Variants in CIPC observed in about 807,000 individuals in gnomAD.
CIPC encodes CLOCK-interacting pacemaker.
CIPC carries 12 observed loss-of-function variants against 26.7 expected under a neutral mutation model. The ratio of observed to expected loss-of-function variants is 0.45; its 90% CI spans 0.29 to 0.73. CIPC has a LOEUF of 0.73. CIPC is among the 30% of genes least tolerant of loss of function. CIPC has a pLI of 0.12. For synonymous variants in CIPC, 170 were observed against 189.8 expected, an observed-to-expected ratio of 0.90 and a Z score of 0.86; for missense variants, 417 against 486.5, an observed-to-expected ratio of 0.86 and a Z score of 1.34.
At chr14:77,109,695 A>T (rs1886657455) in intron 2 of CIPC, 117 bp from the exon 3 acceptor site, 1 of 894,758 alleles carries the variant, frequency 1.1e-6, no homozygotes, top group Non-Finnish European at 1.7e-6. Context: ...AATAAAATTC[A>T]CAAAAACACA....
chr14:77,113,863 A>G lies in CIPC; in HGVS notation c.745A>G (p.Ser249Gly), dbSNP rs778843101. ...SPQTLQPVSS[S>G]HVAKAPSLTF... ...ACAGACTCTTCAGCCGGTATCCAGC[A>G]GTCACGTGGCTAAAGCTCCCAGTCT... Residue 249 changes from serine to glycine, a missense_variant, in exon 4 of 4, where the codon AGT (serine) becomes GGT (glycine). By Grantham distance (56) the Ser-to-Gly change is moderately conservative. Coordinates refer to ENST00000361786, the MANE Select transcript of CIPC (RefSeq NM_033426.3). 2 of 1,614,122 alleles carry G rather than the reference A, an allele frequency of 1.2e-6. No individual in the cohort carries two copies. Among genetic ancestry groups the G allele is most frequent in the Non-Finnish European group, 8.5e-7 (1 of 1,180,018 alleles).
chr14:77,100,240 C>CTTTTTTTTTTT (rs57785837), intron 1 of CIPC, among the ~76,000 whole-genome samples: 1 of 130,522 alleles, frequency 7.7e-6, no homozygotes, highest in Non-Finnish European at 1.6e-5. Flanking sequence ...TTCTTTCTTT[C>CTTTTTTTTTTT]TTTTTTTTTT....
chr14:77,116,019 C>T lies in CIPC; in HGVS notation c.*1701C>T, dbSNP rs17105353. The T allele has an allele frequency of 0.41, 61,754 of 152,086 alleles. 13,168 individuals carry two copies. Among genetic ancestry groups the T allele is most frequent in the East Asian group, 0.54 (2,782 of 5,172 alleles). 9.4% of individuals were successfully genotyped at this position (152,086 alleles called of 1,614,324 possible). A position where few individuals can be genotyped will look rare whatever the true frequency, so the allele number is the denominator to read the frequency against. On this transcript the variant is annotated 3_prime_UTR_variant, in exon 4 of 4. Transcript: ENST00000361786. ...CCCTGTCTGCAAAGAAAAGTTTTAC[C>T]AAGACCAGAAGTTAAATATGACATT...
rs892687403 is a variant in CIPC at position 77,100,213 on chromosome 14, A to G, written c.-53+1852A>G. On this transcript the variant is annotated intron_variant, in intron 1 of 3. Transcript: ENST00000361786. ...ATTTTGTCCCCTTATATAAACTTAT[A>G]TATTTATTGATTCACTTTCTTTCTT... is the stretch of plus-strand genomic sequence containing the variant. Among the ~76,000 whole-genome samples, 6 of 149,354 alleles carry G rather than the reference A, an allele frequency of 4.0e-5. No homozygotes were observed. The Admixed American group carries it at 4.0e-4, about 10-fold the overall frequency.
At chr14:77,106,924 T>C (rs1886601825) in intron 2 of CIPC, among the ~76,000 whole-genome samples, 1 of 152,126 alleles carries the variant, frequency 6.6e-6, no homozygotes, top group African/African-American at 2.4e-5. Flanking sequence ...ATTTTTCTTC[T>C]CTCTCTCAGC....
At chr14:77,100,497 C>T (rs896667945) in intron 1 of CIPC, among the ~76,000 whole-genome samples, 9 of 151,414 alleles carry the variant, frequency 5.9e-5, no homozygotes, top group Admixed American at 4.0e-4. Context: ...CCGCCTGTGC[C>T]TCAAAGTGCT....
At chr14:77,109,765 C>G (rs757455590) in intron 2 of CIPC, 47 bp from the exon 3 acceptor site, 4 of 1,546,924 alleles carry the variant, frequency 2.6e-6, no homozygotes, top group Non-Finnish European at 3.5e-6. Context: ...TGGTTAAGAG[C>G]CCCTAGTCTA....
In CIPC at chr14:77,107,907, A is replaced by C. The variant is rs191623640; in HGVS notation, c.137-1905A>C. Among the ~76,000 whole-genome samples the C allele has an allele frequency of 2.0e-5, 3 of 152,268 alleles. No homozygotes were observed. In the East Asian group the frequency reaches 5.8e-4, roughly 29 times the overall value. On this transcript the variant is annotated intron_variant, in intron 2 of 3. Coordinates refer to ENST00000361786, the MANE Select transcript of CIPC (RefSeq NM_033426.3). ...CTGTTTTGGATCCAGAATCCAACTG[A>C]AGATTGAGCATTGCATTTAGTTGTC...
intron 3 of CIPC, among the ~76,000 whole-genome samples, chr14:77,110,784 T>G (rs893546751): frequency 6.6e-6 from 1 of 152,206 alleles, no homozygotes; most frequent in Non-Finnish European, 1.5e-5. Context: ...AGTTTTCATA[T>G]GGGTCCATTG....
chr14:77,107,294 T>G lies in CIPC; in HGVS notation c.136+1450T>G, dbSNP rs187731348. 1.2e-4 allele frequency among the ~76,000 whole-genome samples: 18 copies of G among 152,326 alleles called. 1 individual carries two copies. The East Asian group carries it at 3.5e-3, about 29-fold the overall frequency. ...TGACATTTTGACACTTCTAACAACT[T>G]CAACTTTGTCAGGCCAGTTGTTTTA... On this transcript the variant is annotated intron_variant, in intron 2 of 3. Transcript: ENST00000361786.
rs747608007 is a variant in CIPC at position 77,114,139 on chromosome 14, C to G, written c.1021C>G (p.Arg341Gly). The G allele has an allele frequency of 3.7e-6, 6 of 1,614,070 alleles. No homozygotes were observed. The highest frequency in any genetic ancestry group is 5.1e-6 in the Non-Finnish European group (6 of 1,180,040). Residue 341 changes from arginine to glycine, a missense_variant, in exon 4 of 4, where the codon CGT becomes GGT. Coordinates refer to ENST00000361786, the MANE Select transcript of CIPC (RefSeq NM_033426.3). ...EITLKTKELI[R>G]QNQATQVELD... ...CACTTTGAAAACCAAGGAGTTGATTCGTCAGAATCAGGCAACTCAGGTAGA... is the reference window on the plus strand; with the variant it reads ...CACTTTGAAAACCAAGGAGTTGATTGGTCAGAATCAGGCAACTCAGGTAGA...
At chr14:77,111,901 T>G (rs78145076) in intron 3 of CIPC, among the ~76,000 whole-genome samples, 2 of 152,156 alleles carry the variant, frequency 1.3e-5, no homozygotes, top group Non-Finnish European at 2.9e-5. Context: ...ACAGGCTGAT[T>G]TCTACTTCAA....
Position 77,114,607 on chromosome 14 carries a change from T to C in CIPC, c.*289T>C, listed in dbSNP as rs1886772948. On this transcript the variant is annotated 3_prime_UTR_variant, in exon 4 of 4. Transcript: ENST00000361786. ...GATCATGGGGCAAAGCAGGAGATGA[T>C]TGTGTGGGGCTCTTCCTGCTGTCAC... 2 of 339,920 alleles carry C rather than the reference T, an allele frequency of 5.9e-6. No individual in the cohort carries two copies. Among genetic ancestry groups the C allele is most frequent in the South Asian group, 4.7e-5 (1 of 21,434 alleles). 21.1% of individuals were successfully genotyped at this position (339,920 alleles called of 1,614,324 possible).
At chr14:77,103,100 C>A (rs1259190906) in intron 1 of CIPC, among the ~76,000 whole-genome samples, 2 of 152,170 alleles carry the variant, frequency 1.3e-5, no homozygotes, top group African/African-American at 4.8e-5. Flanking sequence ...GATTTGATGT[C>A]AGTTGAATGA....
chr14:77,104,610 C>T (rs1447831192), intron 1 of CIPC, among the ~76,000 whole-genome samples: 1 of 152,194 alleles, frequency 6.6e-6, no homozygotes, highest in Non-Finnish European at 1.5e-5. Context: ...TTTGTTTGTG[C>T]CAAGCCCCTT....
chr14:77,105,601 G>T, intron 1 of CIPC, 56 bp from the exon 2 acceptor site: 1 of 1,215,704 alleles, frequency 8.2e-7, no homozygotes, highest in Non-Finnish European at 1.2e-6. Context: ...TTCACTGTTT[G>T]GATCACCTGT....
chr14:77,111,078 C>G (rs559217488), intron 3 of CIPC, among the ~76,000 whole-genome samples: 1 of 152,330 alleles, frequency 6.6e-6, no homozygotes, highest in African/African-American at 2.4e-5. Context: ...AAACGGAGCC[C>G]ACATGAGATT....
chr14:77,102,324 G>A (rs1368341002), intron 1 of CIPC, among the ~76,000 whole-genome samples: 1 of 152,094 alleles, frequency 6.6e-6, no homozygotes, highest in Non-Finnish European at 1.5e-5. Context: ...CTGTGTTTGT[G>A]GCCTTGCACT....
intron 1 of CIPC, among the ~76,000 whole-genome samples, chr14:77,099,673 C>T: frequency 6.6e-6 from 1 of 152,160 alleles, no homozygotes; most frequent in Admixed American, 6.5e-5. Flanking sequence ...ACTTGAGCTT[C>T]CAGGAATGTT....
Sources: allele counts gnomAD v4.1 joint callset (sites outside exome capture counted in the v4.1 genomes callset), GRCh38; gene constraint gnomAD v4.1.1; transcripts MANE v1.5; gene names NCBI Gene and HGNC (gene_info 2026-07-23, HGNC 2026-07-21).